GRIN2A: variants seen among roughly 807,000 people sequenced by gnomAD.
GRIN2A encodes glutamate receptor ionotropic, NMDA 2A.
In GRIN2A, 22 loss-of-function variants were observed where a neutral mutation model predicts 113.4. That is an observed-to-expected ratio of 0.19 (90% CI 0.14 to 0.28). GRIN2A has a LOEUF of 0.28. Ranked by LOEUF, GRIN2A falls within the 10% of genes least tolerant of loss-of-function variation. The probability of loss-of-function intolerance (pLI) is 1.00; values close to 1 mark genes in which losing one functional copy is unlikely to be tolerated. For synonymous variants in GRIN2A, 827 were observed against 738.4 expected, an observed-to-expected ratio of 1.12 and a Z score of -1.94; for missense variants, 1,502 against 1,887.0, an observed-to-expected ratio of 0.80 and a Z score of 3.78.
In GRIN2A at chr16:9,758,177, C is replaced by T; in HGVS notation, c.*4972G>A. On this transcript the variant is annotated 3_prime_UTR_variant, in exon 13 of 13. Transcript: ENST00000330684. Reference sequence around the variant, plus strand: ...TTTTTCTAAGACCCTTCTGGGCAGGCACTTCTAGCTAATACTATACTGAAA... The same window carrying T: ...TTTTTCTAAGACCCTTCTGGGCAGGTACTTCTAGCTAATACTATACTGAAA... 1 of 218,250 alleles carries T rather than the reference C, an allele frequency of 4.6e-6. No homozygotes were observed. The highest frequency in any genetic ancestry group is 6.7e-5 in the East Asian group (1 of 15,024). 13.5% of individuals were successfully genotyped at this position (218,250 alleles called of 1,614,324 possible).
intron 3 of GRIN2A, among the ~76,000 whole-genome samples, chr16:9,903,535 G>A (rs935599187): frequency 1.3e-5 from 2 of 152,208 alleles, no homozygotes; most frequent in African/African-American, 2.4e-5. Flanking sequence ...GGAAGGCTGA[G>A]CAAGGACAAT....
Position 10,180,533 on chromosome 16 carries a change from G to C in GRIN2A, c.-18-104C>G. 1 of 1,522,904 alleles carries C rather than the reference G, an allele frequency of 6.6e-7. No homozygotes were observed. Among genetic ancestry groups the C allele is most frequent in the Non-Finnish European group, 8.8e-7 (1 of 1,140,978 alleles). The allele number at this position is 1,522,904 out of a possible 1,614,324, so 94.3% of individuals were successfully genotyped here. On this transcript the variant is annotated intron_variant, in intron 1 of 12. Transcript: ENST00000330684. This position sits in a 1 kb window ranked among gnomAD's most constrained non-coding sequence, Gnocchi z 7.0. ...CTCTAGGAGCCAGGCATGGAACTCA[G>C]CAGCAGGATAGGCTGCTGGGATCAC...
Position 9,763,644 on chromosome 16 carries a change from C to G in GRIN2A, c.3900G>C (p.Arg1300Ser), listed in dbSNP as rs2141128626. ...GGGAGGGCCTGCTAAGGTCTAGCTC[C>G]CTAGGTTTGTCGACAATGTTATCGT... ...HSYDNIVDKP[R>S]ELDLSRPSRS... The change falls in exon 13 of 13, where the codon AGG becomes AGC. Residue 1300 changes from arginine to serine, a missense_variant. Around this residue, in one of 7 missense-constraint regions of GRIN2A, gnomAD observed 832 missense variants for 789.7 expected, o/e 1.05. Coordinates refer to ENST00000330684, the MANE Select transcript of GRIN2A (RefSeq NM_001134407.3). 6.2e-7 allele frequency: 1 copy of G among 1,613,300 alleles called. No homozygotes were observed. Among genetic ancestry groups the G allele is most frequent in the South Asian group, 1.1e-5 (1 of 91,054 alleles).
chr16:9,979,460 G>A (rs1284770533), intron 2 of GRIN2A, among the ~76,000 whole-genome samples: 1 of 152,066 alleles, frequency 6.6e-6, no homozygotes, highest in Non-Finnish European at 1.5e-5. Flanking sequence ...CCCATCATCA[G>A]GACCTCCTTT....
chr16:9,988,108 C>G (rs1261523510), intron 2 of GRIN2A, among the ~76,000 whole-genome samples: 1 of 152,106 alleles, frequency 6.6e-6, no homozygotes, highest in African/African-American at 2.4e-5. Flanking sequence ...CACCAACCTA[C>G]CACTTAGACG....
chr16:10,175,410 C>T (rs1263881261), intron 2 of GRIN2A, among the ~76,000 whole-genome samples: 2 of 152,042 alleles, frequency 1.3e-5, no homozygotes, highest in African/African-American at 4.8e-5. Context: ...TAAGAAAAAC[C>T]ATATATACTA....
At chr16:10,078,651 C>T (rs980248086) in intron 2 of GRIN2A, among the ~76,000 whole-genome samples, 23 of 152,208 alleles carry the variant, frequency 1.5e-4, no homozygotes, top group Middle Eastern at 3.2e-3. Flanking sequence ...TCGGTTGCTA[C>T]TGCCCTGCGA....
At chr16:9,842,951 AAG>A (rs57545330) in intron 5 of GRIN2A, among the ~76,000 whole-genome samples, 59 of 144,998 alleles carry the variant, frequency 4.1e-4, no homozygotes, top group Admixed American at 5.5e-4. Flanking sequence ...GAAAGAAAGA[AAG>A]AGAGAGAGAG....
chr16:10,078,185 G>C (rs1316898340), intron 2 of GRIN2A, among the ~76,000 whole-genome samples: 1 of 152,164 alleles, frequency 6.6e-6, no homozygotes, highest in African/African-American at 2.4e-5. Flanking sequence ...CAATAATGAA[G>C]TGCTTAGTCC....
At position 9,757,572 on chromosome 16, in the gene GRIN2A, C is replaced by T. The variant is rs928629843; in HGVS notation, c.*5577G>A. On this transcript the variant is annotated 3_prime_UTR_variant, in exon 13 of 13. Transcript: ENST00000330684. ...TTTTCTATTTATTTTGCATCCCCTC[C>T]CCCACAATCCCAAACTGGCTTTCAA... is the stretch of plus-strand genomic sequence containing the variant. The T allele has an allele frequency of 1.8e-5, 4 of 225,994 alleles. No homozygotes were observed. Among genetic ancestry groups the T allele is most frequent in the African/African-American group, 8.9e-5 (4 of 44,888 alleles). 14.0% of individuals were successfully genotyped at this position (225,994 alleles called of 1,614,324 possible). A position where few individuals can be genotyped will look rare whatever the true frequency, so the allele number is the denominator to read the frequency against.
At chr16:10,073,584 T>C (rs72774138) in intron 2 of GRIN2A, among the ~76,000 whole-genome samples, 14,576 of 151,896 alleles carry the variant, frequency 0.096, 774 homozygotes, top group African/African-American at 0.11. Context: ...TGTGTGAGGG[T>C]CAAAAAAGTG....
At chr16:9,956,006 G>A (rs2045300032) in intron 2 of GRIN2A, among the ~76,000 whole-genome samples, 2 of 152,146 alleles carry the variant, frequency 1.3e-5, no homozygotes, top group African/African-American at 4.8e-5. Flanking sequence ...CCTTAAAGCG[G>A]CTTGCAACAT....
chr16:9,951,934 C>T (rs2045193828), intron 2 of GRIN2A, among the ~76,000 whole-genome samples: 2 of 152,128 alleles, frequency 1.3e-5, no homozygotes, highest in Admixed American at 6.5e-5. Flanking sequence ...GGCACTCCTT[C>T]CTCAGGGCTC....
At chr16:10,025,050 G>A (rs575106909) in intron 2 of GRIN2A, among the ~76,000 whole-genome samples, 2 of 152,188 alleles carry the variant, frequency 1.3e-5, no homozygotes, top group South Asian at 2.1e-4. Context: ...AAGAGAGGAT[G>A]ATGGAGAGAG....
intron 4 of GRIN2A, among the ~76,000 whole-genome samples, chr16:9,876,684 T>G (rs1228516989): frequency 6.6e-6 from 1 of 152,200 alleles, no homozygotes; most frequent in African/African-American, 2.4e-5. Context: ...ACTGAGTCAG[T>G]AATCAGTGAA....
rs1463593372 is a variant in GRIN2A at position 10,112,595 on chromosome 16, G to A, written c.414+67403C>T. ...GCGAGTACTTCTTCTCAGACAGGGTGCAGCTCAAGAAGTACTGGGGCATGG... is the reference window on the plus strand; with the variant it reads ...GCGAGTACTTCTTCTCAGACAGGGTACAGCTCAAGAAGTACTGGGGCATGG... On this transcript the variant is annotated intron_variant, in intron 2 of 12. Coordinates refer to ENST00000330684, the MANE Select transcript of GRIN2A (RefSeq NM_001134407.3). 8 of 769,748 alleles carry A rather than the reference G, an allele frequency of 1.0e-5. No individual in the cohort carries two copies. In the Admixed American group the frequency reaches 1.4e-4, roughly 13 times the overall value. The allele number at this position is 769,748 out of a possible 1,614,324, so 47.7% of individuals were successfully genotyped here.
chr16:9,850,008 A>G, intron 4 of GRIN2A, 47 bp from the exon 5 acceptor site: 1 of 1,518,154 alleles, frequency 6.6e-7, no homozygotes, highest in Non-Finnish European at 9.1e-7. Context: ...TCCGCCGCTG[A>G]TTTCTGGAGA....
At chr16:9,995,727 C>T (rs188491020) in intron 2 of GRIN2A, among the ~76,000 whole-genome samples, 1 of 152,288 alleles carries the variant, frequency 6.6e-6, no homozygotes, top group Non-Finnish European at 1.5e-5. Context: ...CCAAAGCCCT[C>T]ATCCCCTTTC....
intron 3 of GRIN2A, among the ~76,000 whole-genome samples, chr16:9,928,104 C>T (rs1182604309): frequency 1.3e-5 from 2 of 152,200 alleles, no homozygotes; most frequent in Non-Finnish European, 2.9e-5. Flanking sequence ...CACGCTGGAC[C>T]GTGACTCCTC....
Sources: gnomAD v4.1 joint callset for allele counts (sites outside exome capture counted in the v4.1 genomes callset) on GRCh38, gnomAD v4.1.1 for gene constraint, gnomAD v4.1.1 regional missense constraint, Gnocchi (gnomAD v3.1) non-coding constraint, MANE v1.5 for transcripts, NCBI Gene and HGNC (gene_info 2026-07-23, HGNC 2026-07-21) for gene names.